Variants in HDAC9 observed in about 807,000 individuals in gnomAD.
HDAC9 encodes the protein MEF-2 interacting transcription repressor (MITR) protein.
Under a neutral mutation model 139.4 loss-of-function variants are expected in HDAC9, and 41 were observed. The ratio of observed to expected loss-of-function variants is 0.29; its 90% confidence interval spans 0.23 to 0.38. HDAC9 has a LOEUF of 0.38. Among genes scored for constraint, HDAC9 ranks in the 10% least tolerant of loss-of-function variants. The probability of loss-of-function intolerance (pLI) is 1.00; values close to 1 mark genes in which losing one functional copy is unlikely to be tolerated. For synonymous variants in HDAC9, 517 were observed against 476.2 expected (o/e 1.09, Z -1.12); for missense variants, 1,147 against 1,297.0 (o/e 0.88, Z 1.78).
intron 1 of HDAC9, among the ~76,000 whole-genome samples, chr7:18,450,152 C>T (rs1051993698): frequency 2.0e-5 from 3 of 152,156 alleles, no homozygotes; most frequent in Non-Finnish European, 4.4e-5. Context: ...TTCAATGTGT[C>T]TGTGGAATGA....
At chr7:18,649,370 G>C (rs1387746152) in intron 11 of HDAC9, among the ~76,000 whole-genome samples, 1 of 152,012 alleles carries the variant, frequency 6.6e-6, no homozygotes. Context: ...AACCTGGTCT[G>C]GACAGTTTTT....
intron 16 of HDAC9, among the ~76,000 whole-genome samples, chr7:18,785,865 A>G (rs1791669418): frequency 6.6e-6 from 1 of 152,168 alleles, no homozygotes; most frequent in South Asian, 2.1e-4. Flanking sequence ...TAATAATAGC[A>G]TCTACATTAA....
chr7:18,332,788 A>C (rs1239640553), intron 1 of HDAC9, among the ~76,000 whole-genome samples: 1 of 151,606 alleles, frequency 6.6e-6, no homozygotes, highest in Non-Finnish European at 1.5e-5. Context: ...CATGTTCAGT[A>C]GACTGTGAGC....
At chr7:18,389,381 T>A (rs1786250287) in intron 1 of HDAC9, among the ~76,000 whole-genome samples, 1 of 152,208 alleles carries the variant, frequency 6.6e-6, no homozygotes, top group Non-Finnish European at 1.5e-5. Context: ...TCTCCTGTAT[T>A]CTTCAGGGCC....
chr7:18,934,446 T>A (rs1219188405), intron 22 of HDAC9, among the ~76,000 whole-genome samples: 1 of 152,168 alleles, frequency 6.6e-6, no homozygotes, highest in Non-Finnish European at 1.5e-5. Context: ...ATGACCAAGC[T>A]TATTTTACTT....
intron 17 of HDAC9, among the ~76,000 whole-genome samples, chr7:18,825,162 A>G (rs139885438): frequency 1.1e-4 from 17 of 152,332 alleles, no homozygotes; most frequent in African/African-American, 4.1e-4. Flanking sequence ...TGGTTCCCAG[A>G]GAAGAGTCCA....
At chr7:18,641,434 T>A (rs1383482283) in intron 8 of HDAC9, among the ~76,000 whole-genome samples, 1 of 151,830 alleles carries the variant, frequency 6.6e-6, no homozygotes, top group African/African-American at 2.4e-5. Flanking sequence ...CTAACTACCA[T>A]GTGAATTGGT....
intron 12 of HDAC9, 108 bp from the exon 13 acceptor site, chr7:18,727,472 T>C: frequency 1.1e-6 from 1 of 895,242 alleles, no homozygotes. Context: ...CTTCACACCG[T>C]TTATTATGTC....
At chr7:18,687,931 C>T (rs1379430750) in intron 12 of HDAC9, among the ~76,000 whole-genome samples, 1 of 151,674 alleles carries the variant, frequency 6.6e-6, no homozygotes, top group Non-Finnish European at 1.5e-5. Context: ...GGCTAGATAA[C>T]TTTTTACTTT....
chr7:18,931,079 C>T (rs1804698947), intron 22 of HDAC9, among the ~76,000 whole-genome samples: 2 of 151,812 alleles, frequency 1.3e-5, no homozygotes, highest in African/African-American at 2.4e-5. Flanking sequence ...TAACTGTAGC[C>T]CTGGTTTAGG....
At chr7:18,873,940 A>C (rs1312798742) in intron 21 of HDAC9, among the ~76,000 whole-genome samples, 1 of 152,092 alleles carries the variant, frequency 6.6e-6, no homozygotes, top group Non-Finnish European at 1.5e-5. Context: ...GATTCTATTA[A>C]GGGAACTTTG....
At chr7:18,577,999 G>GC (rs1310218838) in intron 2 of HDAC9, among the ~76,000 whole-genome samples, 6 of 151,908 alleles carry the variant, frequency 3.9e-5, no homozygotes, top group Non-Finnish European at 8.8e-5. Context: ...CCCCACTCAC[G>GC]CCCCCACTTC....
At chr7:18,445,059 A>G (rs1792162063) in intron 1 of HDAC9, among the ~76,000 whole-genome samples, 1 of 152,202 alleles carries the variant, frequency 6.6e-6, no homozygotes, top group South Asian at 2.1e-4. Flanking sequence ...ATTCCTGCAT[A>G]GTGGCCATTG....
At chr7:18,519,691 C>T (rs989822802) in intron 2 of HDAC9, among the ~76,000 whole-genome samples, 1 of 151,210 alleles carries the variant, frequency 6.6e-6, no homozygotes, top group Non-Finnish European at 1.5e-5. Context: ...CATAAATTGG[C>T]AGTACTATAA....
intron 16 of HDAC9, among the ~76,000 whole-genome samples, chr7:18,768,244 A>G (rs983817989): frequency 1.2e-4 from 19 of 152,216 alleles, no homozygotes; most frequent in Non-Finnish European, 2.2e-4. Context: ...CTGAAGTCAC[A>G]CAGTAAAGGA....
At chr7:18,525,483 T>C (rs1309826906) in intron 2 of HDAC9, among the ~76,000 whole-genome samples, 7 of 152,140 alleles carry the variant, frequency 4.6e-5, no homozygotes, top group Non-Finnish European at 1.0e-4. Flanking sequence ...AAACTATACT[T>C]CTCTAAATTA....
rs182843713 is a variant in HDAC9, at chr7:18,572,734, T to A, written c.23-12547T>A. ...AAATAATATGGATTACAAACTAATA[T>A]ATAGGTTCTTAGCTTCTATTACCTT... On this transcript the variant is annotated intron_variant, in intron 2 of 25. Transcript: ENST00000686413. Among the ~76,000 whole-genome samples, 835 of 152,306 alleles carry A rather than the reference T, an allele frequency of 5.5e-3. 9 individuals carry two copies. Among genetic ancestry groups the A allele is most frequent in the African/African-American group, 0.019 (808 of 41,576 alleles).
intron 1 of HDAC9, among the ~76,000 whole-genome samples, chr7:18,410,303 T>C (rs753450094): frequency 2.0e-5 from 3 of 152,102 alleles, no homozygotes; most frequent in Admixed American, 6.6e-5. Context: ...GAGTGTGTCA[T>C]GGAGAAGCTG....
intron 2 of HDAC9, among the ~76,000 whole-genome samples, chr7:18,581,945 A>T (rs1289532344): frequency 2.6e-5 from 4 of 152,232 alleles, no homozygotes; most frequent in Non-Finnish European, 5.9e-5. Flanking sequence ...TTTTCATTAA[A>T]GTGACACATA....
Sources: gnomAD v4.1 joint callset for allele counts (sites outside exome capture counted in the v4.1 genomes callset) on GRCh38, gnomAD v4.1.1 for gene constraint, MANE v1.5 for transcripts, NCBI Gene and HGNC (gene_info 2026-07-23, HGNC 2026-07-21) for gene names.